Variants in RIMS2 observed in about 807,000 individuals in gnomAD.
The protein encoded by RIMS2 is regulating synaptic membrane exocytosis protein 2.
In RIMS2, 59 loss-of-function variants were observed where a neutral mutation model predicts 174.4. The observed-to-expected ratio is 0.34, with a 90% confidence interval of 0.27 to 0.42. The LOEUF is 0.42. Among genes scored for constraint, RIMS2 ranks in the 10% least tolerant of loss-of-function variants. The pLI is 1.00. For synonymous variants in RIMS2, 606 were observed against 572.5 expected (o/e 1.06, Z -0.84); for missense variants, 1,620 against 1,666.3 (o/e 0.97, Z 0.48).
chr8:103,750,637 A>AC (rs1019154150), intron 2 of RIMS2, among the ~76,000 whole-genome samples: 1 of 152,032 alleles, frequency 6.6e-6, no homozygotes, highest in African/African-American at 2.4e-5. Flanking sequence ...GAAGCGGTTT[A>AC]CCCCATGTTG....
chr8:103,656,983 T>C (rs1272527124), intron 1 of RIMS2, among the ~76,000 whole-genome samples: 1 of 152,090 alleles, frequency 6.6e-6, no homozygotes, highest in Non-Finnish European at 1.5e-5. Context: ...GAGGGGAAAG[T>C]AACCATTCTG....
At chr8:104,208,041 T>G (rs2099088647) in intron 19 of RIMS2, among the ~76,000 whole-genome samples, 1 of 151,882 alleles carries the variant, frequency 6.6e-6, no homozygotes, top group African/African-American at 2.4e-5. Context: ...AATACTGGGA[T>G]TACAAGCATG....
At chr8:103,621,894 T>G (rs892730668) in intron 1 of RIMS2, among the ~76,000 whole-genome samples, 1 of 152,164 alleles carries the variant, frequency 6.6e-6, no homozygotes, top group African/African-American at 2.4e-5. Flanking sequence ...TCTAAGTACC[T>G]AAGTGATAGA....
intron 19 of RIMS2, 143 bp downstream of exon 22, chr8:104,041,501 G>C: frequency 2.0e-6 from 1 of 493,652 alleles, no homozygotes; most frequent in Non-Finnish European, 3.7e-6. Flanking sequence ...TTTTAATTTA[G>C]GTATTTGTGT....
In RIMS2 at chr8:104,194,682, T is replaced by C. The variant is rs112188533; in HGVS notation, c.3335-50234T>C. Among the ~76,000 whole-genome samples, 659 of 152,166 alleles carry C rather than the reference T, an allele frequency of 4.3e-3. 3 individuals are homozygous for C. The highest frequency in any genetic ancestry group is 0.015 in the African/African-American group (614 of 41,448). Reference sequence around the variant, plus strand: ...TGGTGAATCAATGAATAAATAGACATATTATATAACATAGTGTTTAATACT... The same window carrying C: ...TGGTGAATCAATGAATAAATAGACACATTATATAACATAGTGTTTAATACT... On this transcript the variant is annotated intron_variant, in intron 19 of 23. Coordinates refer to ENST00000504942, the Ensembl canonical transcript of RIMS2.
intron 2 of RIMS2, among the ~76,000 whole-genome samples, chr8:103,752,614 A>C (rs556449012): frequency 6.6e-6 from 1 of 152,168 alleles, no homozygotes; most frequent in Non-Finnish European, 1.5e-5. Context: ...TTCATTGAGC[A>C]GTGGTTTGTA....
chr8:103,913,171 G>A (rs2076050511), intron 6 of RIMS2, among the ~76,000 whole-genome samples: 2 of 151,076 alleles, frequency 1.3e-5, no homozygotes, highest in East Asian at 1.9e-4. Flanking sequence ...GTAGAGACGG[G>A]GTTTCACCAT....
intron 2 of RIMS2, among the ~76,000 whole-genome samples, chr8:103,758,830 GA>G (rs1675049886): frequency 6.6e-6 from 1 of 152,134 alleles, no homozygotes; most frequent in African/African-American, 2.4e-5. Context: ...AATAAGTAGA[GA>G]AAAATAGAGT....
intron 3 of RIMS2, among the ~76,000 whole-genome samples, chr8:103,882,650 C>G (rs1040200033): frequency 2.0e-5 from 3 of 151,446 alleles, no homozygotes; most frequent in Non-Finnish European, 4.4e-5. Context: ...ATATTTCTGG[C>G]AAATTTGATA....
At chr8:103,728,547 A>T (rs1264096184) in intron 2 of RIMS2, among the ~76,000 whole-genome samples, 1 of 151,982 alleles carries the variant, frequency 6.6e-6, no homozygotes, top group Non-Finnish European at 1.5e-5. Flanking sequence ...CCTGTTCAGT[A>T]TGTTACTAGC....
At chr8:104,240,801 A>C (rs1370588369) in intron 19 of RIMS2, among the ~76,000 whole-genome samples, 1 of 152,208 alleles carries the variant, frequency 6.6e-6, no homozygotes, top group Non-Finnish European at 1.5e-5. Context: ...CAGACCTAGA[A>C]TACATAGTTT....
chr8:103,588,541 G>A (rs977703032), intron 1 of RIMS2, among the ~76,000 whole-genome samples: 1 of 151,792 alleles, frequency 6.6e-6, no homozygotes, highest in Admixed American at 6.6e-5. Context: ...AAACAGCATG[G>A]TACTGGCATA....
intron 1 of RIMS2, among the ~76,000 whole-genome samples, chr8:103,545,929 A>G (rs548235356): frequency 3.3e-5 from 5 of 152,292 alleles, no homozygotes; most frequent in Admixed American, 6.5e-5. Flanking sequence ...TCACCACAAA[A>G]CACAAGTACA....
rs531845709 is a variant in RIMS2 at position 103,960,433 on chromosome 8, G to A, written c.2702-632G>A. On this transcript the variant is annotated intron_variant, in intron 14 of 23. Coordinates refer to ENST00000504942, the Ensembl canonical transcript of RIMS2. ...AAAACATAACAAAACTCACAATTTT[G>A]ATGTATTAGTATTGTGGATGACTTT... Among the ~76,000 whole-genome samples, 9 of 152,222 alleles carry A rather than the reference G, an allele frequency of 5.9e-5. No homozygotes were observed. In the East Asian group the frequency reaches 1.7e-3, roughly 29 times the overall value.
chr8:104,180,590 GTATGT>G, intron 19 of RIMS2, among the ~76,000 whole-genome samples: 1 of 151,562 alleles, frequency 6.6e-6, no homozygotes, highest in Non-Finnish European at 1.5e-5. Flanking sequence ...AATATGCATT[GTATGT>G]TATGTTGTCA....
At chr8:104,081,614 C>T (rs1263089050) in intron 19 of RIMS2, among the ~76,000 whole-genome samples, 1 of 151,554 alleles carries the variant, frequency 6.6e-6, no homozygotes, top group African/African-American at 2.4e-5. Context: ...AAAATGAATA[C>T]AAATTATCAC....
downstream of RIMS2, chr8:104,253,480 G>A (rs2099363506): frequency 6.6e-6 from 1 of 151,970 alleles, no homozygotes; most frequent in Non-Finnish European, 1.5e-5. Flanking sequence ...CCAGTTTTTA[G>A]GTGACTCAAA....
intron 3 of RIMS2, among the ~76,000 whole-genome samples, chr8:103,832,476 C>G (rs2098831849): frequency 6.6e-6 from 1 of 152,052 alleles, no homozygotes; most frequent in South Asian, 2.1e-4. Flanking sequence ...ATTATTTCAT[C>G]AACTGGGTAT....
chr8:103,524,249 T>C (rs886986574), intron 1 of RIMS2, among the ~76,000 whole-genome samples: 1 of 151,504 alleles, frequency 6.6e-6, no homozygotes, highest in African/African-American at 2.4e-5. Flanking sequence ...AGAGAGAGTA[T>C]AGAGAATTGG....
Sources: allele counts gnomAD v4.1 joint callset (sites outside exome capture counted in the v4.1 genomes callset), GRCh38; gene constraint gnomAD v4.1.1; transcripts MANE v1.5; gene names NCBI Gene and HGNC (gene_info 2026-07-23, HGNC 2026-07-21).